RASSF9: variants seen among roughly 807,000 people sequenced by gnomAD.
RASSF9 encodes ras association domain-containing protein 9.
Under a neutral mutation model 21.4 loss-of-function variants are expected in RASSF9, and 18 were observed. The observed-to-expected ratio is 0.84, with a 90% CI of 0.58 to 1.25. RASSF9 has a LOEUF of 1.25. Ranked by LOEUF, RASSF9 falls within the 50% of genes most tolerant of loss-of-function variation. The pLI is 0.00. For synonymous variants in RASSF9, 183 were observed against 179.1 expected (o/e 1.02, Z -0.18); for missense variants, 480 against 503.2 (o/e 0.95, Z 0.44).
rs535957458 is a variant in RASSF9, at chr12:85,801,163, T to A, written c.*3539A>T. On this transcript the variant is annotated 3_prime_UTR_variant, in exon 2 of 2. Coordinates refer to ENST00000361228, the MANE Select transcript of RASSF9 (RefSeq NM_005447.4). ...GCACACAATGAAATAAAAAATTCTA[T>A]AATATAACCATTAAATCAGCTTAAA... 6.6e-6 allele frequency: 1 copy of A among 152,260 alleles called. No individual in the cohort carries two copies. The highest frequency in any genetic ancestry group is 2.4e-5 in the African/African-American group (1 of 41,584). The allele number at this position is 152,260 out of a possible 1,614,324, so 9.4% of individuals were successfully genotyped here. A position where few individuals can be genotyped will look rare whatever the true frequency, so the allele number is the denominator to read the frequency against.
At chr12:85,814,793 G>A (rs1421234429) in intron 1 of RASSF9, among the ~76,000 whole-genome samples, 3 of 151,922 alleles carry the variant, frequency 2.0e-5, no homozygotes, top group African/African-American at 7.3e-5. Flanking sequence ...TTCATGGAAA[G>A]GCTTCCATTC....
chr12:85,802,665 T>C lies in RASSF9; in HGVS notation c.*2037A>G, dbSNP rs1592524689. 6.6e-6 allele frequency: 1 copy of C among 152,284 alleles called. No homozygotes were observed. The highest frequency in any genetic ancestry group is 2.1e-4 in the South Asian group (1 of 4,828). 9.4% of individuals were successfully genotyped at this position (152,284 alleles called of 1,614,324 possible). A position where few individuals can be genotyped will look rare whatever the true frequency, so the allele number is the denominator to read the frequency against. ...AGATAATTAGTCAAATAGATAAGCATGTTCTTTCAGTATTTTCTCACTAAA... is the reference window on the plus strand; with the variant it reads ...AGATAATTAGTCAAATAGATAAGCACGTTCTTTCAGTATTTTCTCACTAAA... On this transcript the variant is annotated 3_prime_UTR_variant, in exon 2 of 2. Transcript: ENST00000361228.
rs1392493670 is a variant in RASSF9 at position 85,804,398 on chromosome 12, T to A, written c.*304A>T. On this transcript the variant is annotated 3_prime_UTR_variant, in exon 2 of 2. Coordinates refer to ENST00000361228, the MANE Select transcript of RASSF9 (RefSeq NM_005447.4). ...TTGAGGATTGCTTTTAAAGTTTATG[T>A]AAATCGTTTTCCACAGACGCTAAGG... is the stretch of plus-strand genomic sequence containing the variant. 1.9e-5 allele frequency: 5 copies of A among 259,706 alleles called. No individual in the cohort carries two copies. Among genetic ancestry groups the A allele is most frequent in the Non-Finnish European group, 3.7e-5 (5 of 136,928 alleles). 16.1% of individuals were successfully genotyped at this position (259,706 alleles called of 1,614,324 possible). A position where few individuals can be genotyped will look rare whatever the true frequency, so the allele number is the denominator to read the frequency against.
In RASSF9 at chr12:85,802,919, T is replaced by C. The variant is rs1879732123; in HGVS notation, c.*1783A>G. ...ATGTAACCGATGCCAGAATTATTACTCTTTATCACTGTATTTTTCCATAGA... is the reference window on the plus strand; with the variant it reads ...ATGTAACCGATGCCAGAATTATTACCCTTTATCACTGTATTTTTCCATAGA... On this transcript the variant is annotated 3_prime_UTR_variant, in exon 2 of 2. Coordinates refer to ENST00000361228, the MANE Select transcript of RASSF9 (RefSeq NM_005447.4). 6.6e-6 allele frequency: 1 copy of C among 152,160 alleles called. No homozygotes were observed. The highest frequency in any genetic ancestry group is 2.1e-4 in the South Asian group (1 of 4,836). 9.4% of individuals were successfully genotyped at this position (152,160 alleles called of 1,614,324 possible).
chr12:85,836,173 T>C lies in RASSF9; in HGVS notation c.29A>G (p.Lys10Arg), dbSNP rs771318172. 24 of 1,550,954 alleles carry C rather than the reference T, an allele frequency of 1.5e-5. No homozygotes were observed. The highest frequency in any genetic ancestry group is 2.1e-5 in the Non-Finnish European group (24 of 1,146,952). ...ACTTTACCTGTTTTTATGCCGAGTC[T>C]TTAGCAAGTTTCTTCCAAAGGGAGC... is the stretch of plus-strand genomic sequence containing the variant. MAPFGRNLLKTRHKNRSPTK... is the reference protein window; with the variant it reads MAPFGRNLLRTRHKNRSPTK... The change falls in exon 1 of 2, where the codon AAG (lysine) becomes AGG (arginine). Residue 10 changes from lysine to arginine, a missense_variant. Coordinates refer to ENST00000361228, the MANE Select transcript of RASSF9 (RefSeq NM_005447.4).
At position 85,802,975 on chromosome 12, in the gene RASSF9, C is replaced by A. The variant is rs1429707623; in HGVS notation, c.*1727G>T. ...AATTTCTATTTTTCTTACCAGCCAACTTGAAATAAGACCTGAAAATATCTA... is the reference window on the plus strand; with the variant it reads ...AATTTCTATTTTTCTTACCAGCCAAATTGAAATAAGACCTGAAAATATCTA... On this transcript the variant is annotated 3_prime_UTR_variant, in exon 2 of 2. Coordinates refer to ENST00000361228, the MANE Select transcript of RASSF9 (RefSeq NM_005447.4). 6.6e-6 allele frequency: 1 copy of A among 151,988 alleles called. No individual in the cohort carries two copies. The highest frequency in any genetic ancestry group is 1.5e-5 in the Non-Finnish European group (1 of 67,968). The allele number at this position is 151,988 out of a possible 1,614,324, so 9.4% of individuals were successfully genotyped here.
intron 1 of RASSF9, among the ~76,000 whole-genome samples, chr12:85,821,401 A>G (rs2136558904): frequency 6.6e-6 from 1 of 152,360 alleles, no homozygotes; most frequent in South Asian, 2.1e-4. Context: ...CACAGAACTC[A>G]TAAATAATAC....
At chr12:85,832,246 T>C (rs1407755924) in intron 1 of RASSF9, among the ~76,000 whole-genome samples, 1 of 151,960 alleles carries the variant, frequency 6.6e-6, no homozygotes, top group Non-Finnish European at 1.5e-5. Context: ...ACTATTCTAA[T>C]TTCCTATTTT....
At chr12:85,825,783 TACAC>T (rs112920213) in intron 1 of RASSF9, among the ~76,000 whole-genome samples, 32,613 of 147,012 alleles carry the variant, frequency 0.22, 3,776 homozygotes, top group Middle Eastern at 0.29. Flanking sequence ...ATGTGATCTT[TACAC>T]ACACACACAC....
rs141148140 is a variant in RASSF9 at position 85,835,965 on chromosome 12, A to T, written c.47+190T>A. On this transcript the variant is annotated intron_variant, in intron 1 of 1. Transcript: ENST00000361228. ...CACTCCCATCATCAATACTGGGAGA[A>T]TATCCTTACTATCTAGGTATTCATA... 6.3e-3 allele frequency among the ~76,000 whole-genome samples: 960 copies of T among 152,222 alleles called. 11 individuals carry two copies. The highest frequency in any genetic ancestry group is 0.022 in the African/African-American group (918 of 41,532).
intron 1 of RASSF9, among the ~76,000 whole-genome samples, chr12:85,812,515 C>T (rs967559668): frequency 6.6e-6 from 1 of 150,800 alleles, no homozygotes; most frequent in African/African-American, 2.4e-5. Flanking sequence ...ATAGCAGGAA[C>T]GATTGAACTT....
intron 1 of RASSF9, among the ~76,000 whole-genome samples, chr12:85,811,519 G>A (rs1255664963): frequency 2.0e-5 from 3 of 151,768 alleles, no homozygotes; most frequent in Non-Finnish European, 4.4e-5. Flanking sequence ...TAGAGGAAAA[G>A]CATTTACTCA....
intron 1 of RASSF9, among the ~76,000 whole-genome samples, chr12:85,822,671 C>T (rs1234767536): frequency 1.3e-5 from 2 of 152,244 alleles, no homozygotes; most frequent in Non-Finnish European, 2.9e-5. Context: ...CTTTAATATG[C>T]TTTGAATTTT....
chr12:85,818,737 G>T (rs535265083), intron 1 of RASSF9, among the ~76,000 whole-genome samples: 19 of 151,764 alleles, frequency 1.3e-4, no homozygotes, highest in Non-Finnish European at 2.4e-4. Flanking sequence ...GAGGCGGGCG[G>T]ATCATGAGGT....
Position 85,805,304 on chromosome 12 carries a change from A to G in RASSF9, c.706T>C (p.Leu236=). The G allele has an allele frequency of 6.2e-7, 1 of 1,613,514 alleles. No homozygotes were observed. Among genetic ancestry groups the G allele is most frequent in the Non-Finnish European group, 8.5e-7 (1 of 1,179,864 alleles). The change falls in exon 2 of 2, where the codon TTA becomes CTA. Residue 236 remains leucine (L), a synonymous_variant. Transcript: ENST00000361228. ...TCAACTTCACTGAAACTGGGCATTA[A>G]ATATGCATCCTGAACATAGTTTTCT... ...DGENYVQDAY[L]MPSFSEVEQN...
intron 1 of RASSF9, among the ~76,000 whole-genome samples, chr12:85,807,723 G>C (rs984602849): frequency 6.6e-6 from 1 of 151,872 alleles, no homozygotes; most frequent in African/African-American, 2.4e-5. Flanking sequence ...TCTATAGAAG[G>C]TCAAGGGGAA....
At chr12:85,831,266 C>G (rs1429583696) in intron 1 of RASSF9, among the ~76,000 whole-genome samples, 1 of 152,026 alleles carries the variant, frequency 6.6e-6, no homozygotes, top group Non-Finnish European at 1.5e-5. Context: ...ATCAAAACTT[C>G]CTGAGTTATA....
At chr12:85,836,122 C>T (rs1318604193) in intron 1 of RASSF9, 33 bp downstream of exon 1, 1 of 1,543,860 alleles carries the variant, frequency 6.5e-7, no homozygotes, top group South Asian at 1.2e-5. Context: ...CACACAGAGA[C>T]ACACACACAC....
rs566494276 is a variant in RASSF9, at chr12:85,834,241, C to T, written c.47+1914G>A. 3.3e-5 allele frequency among the ~76,000 whole-genome samples: 5 copies of T among 152,114 alleles called. No homozygotes were observed. The South Asian group carries it at 6.2e-4, about 19-fold the overall frequency. On this transcript the variant is annotated intron_variant, in intron 1 of 1. Coordinates refer to ENST00000361228, the MANE Select transcript of RASSF9 (RefSeq NM_005447.4). ...AAGGGAAATACTTTCATTAGAGAAGCTTACCCATATCCTTACTATTGCCAC... is the reference window on the plus strand; with the variant it reads ...AAGGGAAATACTTTCATTAGAGAAGTTTACCCATATCCTTACTATTGCCAC...
Sources: allele counts gnomAD v4.1 joint callset (sites outside exome capture counted in the v4.1 genomes callset), GRCh38; gene constraint gnomAD v4.1.1; transcripts MANE v1.5; gene names NCBI Gene and HGNC (gene_info 2026-07-23, HGNC 2026-07-21).